TENM3: variants seen among roughly 807,000 people sequenced by gnomAD.
TENM3 encodes teneurin-3.
In TENM3, 63 loss-of-function variants were observed where a neutral mutation model predicts 255.1. The ratio of observed to expected loss-of-function variants is 0.25; its 90% CI spans 0.20 to 0.30. The LOEUF is 0.30. TENM3 is among the 10% of genes least tolerant of loss of function. The pLI, the probability that TENM3 is intolerant of heterozygous loss-of-function variation, is 1.00. For synonymous variants in TENM3, 1,306 were observed against 1,322.3 expected (o/e 0.99, Z 0.27); for missense variants, 2,929 against 3,461.1 (o/e 0.85, Z 3.86).
At chr4:181,512,158 C>T in the TENM3 span, among the ~76,000 whole-genome samples, 2 of 152,270 alleles carry the variant, frequency 1.3e-5, no homozygotes, top group East Asian at 1.9e-4. Flanking sequence ...TGAAACTTCT[C>T]GCCACCCATT....
rs1561205556 is a variant in TENM3, at chr4:182,755,256, T to C, written c.4889T>C (p.Phe1630Ser). 6.3e-7 allele frequency: 1 copy of C among 1,591,338 alleles called. No homozygotes were observed. Among genetic ancestry groups the C allele is most frequent in the Admixed American group, 1.7e-5 (1 of 57,596 alleles). The change falls in exon 22 of 28, where the codon TTT (phenylalanine) becomes TCT (serine). Residue 1630 changes from phenylalanine (F) to serine (S), a missense_variant. Phe to Ser is a radical substitution (Grantham distance 155, BLOSUM62 -2). Around this residue, in one of 6 missense-constraint regions of TENM3, gnomAD observed 1,608 missense variants for 1,884.4 expected, o/e 0.85. Transcript: ENST00000511685. ...GATGAAACTGGATGGACAACGTTTT[T>C]TGAGTAAGTATATGAAAATTCTACT... is the stretch of plus-strand genomic sequence containing the variant. ...KSDETGWTTF[F>S]DYDSEGRLTN...
the TENM3 span, chr4:181,522,916 T>C: frequency 1.1e-6 from 1 of 893,004 alleles, no homozygotes; most frequent in Non-Finnish European, 1.8e-6. Context: ...ATTGTTGTGC[T>C]GGTTATTTCC....
intron 3 of TENM3, among the ~76,000 whole-genome samples, chr4:182,488,320 C>T (rs1215196677): frequency 1.3e-5 from 2 of 152,016 alleles, no homozygotes; most frequent in African/African-American, 2.4e-5. Flanking sequence ...CAGAAAAAAA[C>T]AAAGTATCAT....
At chr4:182,730,403 C>A in intron 15 of TENM3, 84 bp downstream of exon 15, 1 of 1,492,664 alleles carries the variant, frequency 6.7e-7, no homozygotes, top group Non-Finnish European at 9.1e-7. Flanking sequence ...GTTTGACTGT[C>A]CTTTTAAATA....
intron 3 of TENM3, among the ~76,000 whole-genome samples, chr4:182,513,194 C>T (rs1384045094): frequency 6.6e-6 from 1 of 152,104 alleles, no homozygotes; most frequent in Non-Finnish European, 1.5e-5. Context: ...ATAAACTTCA[C>T]TTGCTGCAAA....
intron 1 of TENM3, among the ~76,000 whole-genome samples, chr4:182,219,486 G>A (rs1486576227): frequency 6.6e-5 from 10 of 151,988 alleles, no homozygotes; most frequent in Admixed American, 6.6e-4. Flanking sequence ...AATATAGTGA[G>A]ACCCCTACCT....
At chr4:182,138,740 C>T in the TENM3 span, among the ~76,000 whole-genome samples, 1 of 152,128 alleles carries the variant, frequency 6.6e-6, no homozygotes, top group Admixed American at 6.5e-5. Flanking sequence ...TTCCAAATTT[C>T]GATAAACATC....
intron 19 of TENM3, among the ~76,000 whole-genome samples, chr4:182,744,477 C>T (rs1761860672): frequency 6.6e-6 from 1 of 152,188 alleles, no homozygotes; most frequent in African/African-American, 2.4e-5. Context: ...ACAATCTAAG[C>T]CATGTTGAAC....
the TENM3 span, among the ~76,000 whole-genome samples, chr4:181,834,263 A>G: frequency 1.3e-5 from 2 of 152,340 alleles, no homozygotes; most frequent in East Asian, 1.9e-4. Flanking sequence ...GGCATTTTCA[A>G]CAACACATTT....
At chr4:181,744,792 G>C in the TENM3 span, among the ~76,000 whole-genome samples, 1 of 152,204 alleles carries the variant, frequency 6.6e-6, no homozygotes, top group Non-Finnish European at 1.5e-5. Flanking sequence ...ATCAAGAAGA[G>C]CCAAAGATGA....
the TENM3 span, among the ~76,000 whole-genome samples, chr4:181,924,342 T>A: frequency 2.0e-5 from 3 of 152,272 alleles, no homozygotes; most frequent in East Asian, 5.8e-4. Flanking sequence ...CCTTTGTTTC[T>A]GACCCAGGAG....
chr4:181,944,030 G>C, the TENM3 span, among the ~76,000 whole-genome samples: 8 of 152,264 alleles, frequency 5.3e-5, no homozygotes, highest in South Asian at 1.7e-3. Flanking sequence ...GTCCAGTTCT[G>C]TCAGTTGTAC....
the TENM3 span, among the ~76,000 whole-genome samples, chr4:181,857,702 G>A: frequency 5.3e-5 from 8 of 151,976 alleles, no homozygotes; most frequent in African/African-American, 1.9e-4. Context: ...AGGTTGCAGT[G>A]AGCTGAGATC....
the TENM3 span, among the ~76,000 whole-genome samples, chr4:181,724,167 G>T: frequency 6.6e-6 from 1 of 152,194 alleles, no homozygotes; most frequent in Non-Finnish European, 1.5e-5. Context: ...ACCCACAAAA[G>T]AACTTTTCCA....
intron 3 of TENM3, among the ~76,000 whole-genome samples, chr4:182,592,336 A>AT (rs1746743200): frequency 6.6e-6 from 1 of 152,200 alleles, no homozygotes; most frequent in South Asian, 2.1e-4. Context: ...TACACCAAGG[A>AT]TTAGATTGGT....
At chr4:182,127,203 G>T in the TENM3 span, among the ~76,000 whole-genome samples, 2 of 152,150 alleles carry the variant, frequency 1.3e-5, no homozygotes, top group Non-Finnish European at 2.9e-5. Context: ...TGTGCAAAGG[G>T]TTAATATTAT....
chr4:181,618,046 T>A, the TENM3 span, among the ~76,000 whole-genome samples: 3 of 152,218 alleles, frequency 2.0e-5, no homozygotes, highest in Admixed American at 6.5e-5. Flanking sequence ...ACAATCAGCA[T>A]CAGTGGTGTC....
chr4:182,081,583 CAA>C, the TENM3 span, among the ~76,000 whole-genome samples: 62 of 87,506 alleles, frequency 7.1e-4, no homozygotes, highest in South Asian at 0.013. Context: ...GGCTCTGCCT[CAA>C]AAAAAAAAAA....
intron 3 of TENM3, among the ~76,000 whole-genome samples, chr4:182,390,686 C>T (rs1768362978): frequency 6.6e-6 from 1 of 152,074 alleles, no homozygotes; most frequent in Admixed American, 6.6e-5. Flanking sequence ...TCCTTCAGCC[C>T]GAGGCACACT....
Sources: gnomAD v4.1 joint callset for allele counts (sites outside exome capture counted in the v4.1 genomes callset) on GRCh38, gnomAD v4.1.1 for gene constraint, gnomAD v4.1.1 regional missense constraint, MANE v1.5 for transcripts, NCBI Gene and HGNC (gene_info 2026-07-23, HGNC 2026-07-21) for gene names.